Variants in SOCS5 observed in about 807,000 individuals in gnomAD.
SOCS5 encodes the protein suppressor of cytokine signaling 5.
Under a neutral mutation model 42.8 loss-of-function variants are expected in SOCS5, and 32 were observed. The observed-to-expected ratio is 0.75, with a 90% confidence interval of 0.56 to 1.01. SOCS5 has a LOEUF of 1.01. Among genes scored for constraint, SOCS5 ranks in the 50% least tolerant of loss-of-function variants. SOCS5 has a pLI of 0.00. For synonymous variants in SOCS5, 283 were observed against 229.6 expected, an observed-to-expected ratio of 1.23 and a Z score of -2.10; for missense variants, 627 against 653.0, an observed-to-expected ratio of 0.96 and a Z score of 0.43.
intron 1 of SOCS5, among the ~76,000 whole-genome samples, chr2:46,716,367 A>ATTT (rs35187667): frequency 2.3e-4 from 4 of 17,040 alleles, no homozygotes; most frequent in African/African-American, 7.0e-4. Flanking sequence ...GAGTGTCTTC[A>ATTT]TTTTTTTTTT....
At chr2:46,748,727 C>G (rs568520197) in intron 1 of SOCS5, among the ~76,000 whole-genome samples, 1 of 152,124 alleles carries the variant, frequency 6.6e-6, no homozygotes, top group Admixed American at 6.5e-5. Flanking sequence ...TTGTTATTAT[C>G]AAAACATTAT....
intron 1 of SOCS5, among the ~76,000 whole-genome samples, chr2:46,711,388 A>AT (rs1156905691): frequency 1.3e-5 from 2 of 152,090 alleles, no homozygotes; most frequent in Non-Finnish European, 2.9e-5. Flanking sequence ...GATGTCATGC[A>AT]TTTTGTCATG....
At position 46,749,326 on chromosome 2, in the gene SOCS5, G is replaced by A. The variant is rs186116236; in HGVS notation, c.-12-9193G>A. Reference sequence around the variant, plus strand: ...TATATCAGAAGCTATGATTTTTGTCGCCCTATTATATACTTAGTTGTTTTT... The same window carrying A: ...TATATCAGAAGCTATGATTTTTGTCACCCTATTATATACTTAGTTGTTTTT... On this transcript the variant is annotated intron_variant, in intron 1 of 1. Coordinates refer to ENST00000394861, the MANE Select transcript of SOCS5 (RefSeq NM_144949.3). Among the ~76,000 whole-genome samples the A allele has an allele frequency of 1.0e-3, 157 of 152,078 alleles. 1 individual carries two copies. The highest frequency in any genetic ancestry group is 3.6e-3 in the African/African-American group (151 of 41,508).
At chr2:46,742,377 T>C (rs531301049) in intron 1 of SOCS5, among the ~76,000 whole-genome samples, 1 of 137,776 alleles carries the variant, frequency 7.3e-6, no homozygotes, top group African/African-American at 2.7e-5. Flanking sequence ...AGCTGGTCTG[T>C]AGACGCACAC....
At position 46,745,702 on chromosome 2, in the gene SOCS5, AG is replaced by A. The variant is rs199608342; in HGVS notation, c.-12-12814del. On this transcript the variant is annotated intron_variant, in intron 1 of 1. Coordinates refer to ENST00000394861, the MANE Select transcript of SOCS5 (RefSeq NM_144949.3). ...GACTACCTGGGCTGGCTAGAGACAG[AG>A]GGTTGTTTATCCTCTTTAACATTTC... Among the ~76,000 whole-genome samples, 1,064 of 152,308 alleles carry A rather than the reference AG, an allele frequency of 7.0e-3. 26 individuals are homozygous for A. Among genetic ancestry groups the A allele is most frequent in the Admixed American group, 0.046 (705 of 15,300 alleles).
In SOCS5 at chr2:46,758,863, A is replaced by T; in HGVS notation, c.333A>T (p.Arg111Ser). 6.2e-7 allele frequency: 1 copy of T among 1,614,106 alleles called. No individual in the cohort carries two copies. The highest frequency in any genetic ancestry group is 2.2e-5 in the East Asian group (1 of 44,888). The change falls in exon 2 of 2, where the codon AGA (arginine) becomes AGT (serine). Residue 111 changes from arginine (R) to serine (S), a missense_variant. Physicochemically the swap from Arg to Ser is moderately radical, Grantham distance 110. Transcript: ENST00000394861. ...CVTPGTRLAR[R>S]DSYSRHAPWG... The stretch of plus-strand genomic sequence containing the variant: ...CCCCAGGAACAAGACTTGCACGAAG[A>T]GATTCCTACTCTCGACATGCTCCAT...
chr2:46,736,234 G>A (rs1673243675), intron 1 of SOCS5, among the ~76,000 whole-genome samples: 1 of 151,968 alleles, frequency 6.6e-6, no homozygotes. Context: ...GTAAAGGTGA[G>A]GCCTCACTAT....
intron 1 of SOCS5, among the ~76,000 whole-genome samples, chr2:46,754,624 T>C (rs1167196853): frequency 6.6e-6 from 1 of 152,132 alleles, no homozygotes; most frequent in Non-Finnish European, 1.5e-5. Flanking sequence ...GTCTACTGTA[T>C]TAATATATCA....
intron 1 of SOCS5, among the ~76,000 whole-genome samples, chr2:46,739,485 T>A (rs1250193085): frequency 6.6e-6 from 1 of 152,196 alleles, no homozygotes; most frequent in Non-Finnish European, 1.5e-5. Flanking sequence ...TTTTCTGTAG[T>A]AAAATGTAAC....
chr2:46,750,379 A>T (rs1008018739), intron 1 of SOCS5, among the ~76,000 whole-genome samples: 2 of 152,176 alleles, frequency 1.3e-5, no homozygotes, highest in Non-Finnish European at 2.9e-5. Flanking sequence ...AGAAAAAGAA[A>T]TAGCCCTAAA....
intron 1 of SOCS5, among the ~76,000 whole-genome samples, chr2:46,709,135 T>G (rs1672559407): frequency 6.6e-6 from 1 of 152,126 alleles, no homozygotes; most frequent in African/African-American, 2.4e-5. Flanking sequence ...CCGCCCGCCT[T>G]GGCCTCCCAA....
chr2:46,724,331 A>C (rs1672947726), intron 1 of SOCS5, among the ~76,000 whole-genome samples: 1 of 151,864 alleles, frequency 6.6e-6, no homozygotes, highest in South Asian at 2.1e-4. Context: ...TATAGAGGGG[A>C]AAGCATTTTT....
At chr2:46,733,682 T>C (rs1160088110) in intron 1 of SOCS5, among the ~76,000 whole-genome samples, 1 of 151,894 alleles carries the variant, frequency 6.6e-6, no homozygotes, top group African/African-American at 2.4e-5. Context: ...CAAGCAAAAG[T>C]TACAAATAGA....
chr2:46,703,462 T>C (rs1349427573), intron 1 of SOCS5, among the ~76,000 whole-genome samples: 1 of 152,222 alleles, frequency 6.6e-6, no homozygotes, highest in Non-Finnish European at 1.5e-5. Context: ...CCACAATTTA[T>C]TGGACATTTA....
chr2:46,733,143 G>A (rs931804600), intron 1 of SOCS5, among the ~76,000 whole-genome samples: 1 of 151,784 alleles, frequency 6.6e-6, no homozygotes, highest in African/African-American at 2.4e-5. Flanking sequence ...TGCTCAGCCT[G>A]GAGTGCAGTG....
intron 1 of SOCS5, among the ~76,000 whole-genome samples, chr2:46,733,903 C>T (rs549898971): frequency 1.3e-5 from 2 of 152,254 alleles, no homozygotes; most frequent in South Asian, 2.1e-4. Context: ...AAAACCATGT[C>T]CTACAGTTTT....
intron 1 of SOCS5, among the ~76,000 whole-genome samples, chr2:46,741,713 C>T (rs1408647225): frequency 2.0e-5 from 3 of 152,064 alleles, no homozygotes; most frequent in East Asian, 3.9e-4. Flanking sequence ...ATATTAAATG[C>T]CCCAGAAACA....
intron 1 of SOCS5, among the ~76,000 whole-genome samples, chr2:46,746,373 A>G (rs1673495272): frequency 6.6e-6 from 1 of 152,062 alleles, no homozygotes. Context: ...ATATTCCATC[A>G]GGGCCGGGTG....
chr2:46,748,052 A>C (rs1673543101), intron 1 of SOCS5, among the ~76,000 whole-genome samples: 1 of 152,186 alleles, frequency 6.6e-6, no homozygotes. Context: ...ATTTTGTTCA[A>C]CATGCTTCTC....
Sources: gnomAD v4.1 joint callset for allele counts (sites outside exome capture counted in the v4.1 genomes callset) on GRCh38, gnomAD v4.1.1 for gene constraint, MANE v1.5 for transcripts, NCBI Gene and HGNC (gene_info 2026-07-23, HGNC 2026-07-21) for gene names.